DGKI: variants seen among roughly 807,000 people sequenced by gnomAD.
The protein encoded by DGKI is diacylglycerol kinase iota, also known as DAG kinase iota.
Under a neutral mutation model 147.5 loss-of-function variants are expected in DGKI, and 55 were observed. The ratio of observed to expected loss-of-function variants is 0.37; its 90% CI spans 0.30 to 0.47. DGKI has a LOEUF of 0.47. Ranked by LOEUF, DGKI falls within the 20% of genes least tolerant of loss-of-function variation. DGKI has a pLI of 1.00. For missense variants in DGKI, 1,007 were observed against 1,323.8 expected, an observed-to-expected ratio of 0.76 and a Z score of 3.71; for synonymous variants, 469 against 477.1, an observed-to-expected ratio of 0.98 and a Z score of 0.22.
At chr7:137,642,929 A>AGTGTGTGTGTGT (rs1207086851) in intron 6 of DGKI, among the ~76,000 whole-genome samples, 1,453 of 121,180 alleles carry the variant, frequency 0.012, 23 homozygotes, top group African/African-American at 0.014. Context: ...ATTATGGAAT[A>AGTGTGTGTGTGT]GTGTGTGTGT....
intron 29 of DGKI, among the ~76,000 whole-genome samples, chr7:137,411,208 G>T (rs1812149716): frequency 6.6e-6 from 1 of 152,200 alleles, no homozygotes; most frequent in Non-Finnish European, 1.5e-5. Flanking sequence ...TCAGGCAGCT[G>T]TCATTAATAC....
At chr7:137,818,149 G>A (rs1797792381) in intron 1 of DGKI, among the ~76,000 whole-genome samples, 1 of 152,206 alleles carries the variant, frequency 6.6e-6, no homozygotes, top group African/African-American at 2.4e-5. Flanking sequence ...AAAATTGAAG[G>A]AAATACACCC....
chr7:137,766,239 G>A (rs1216831852), intron 1 of DGKI, among the ~76,000 whole-genome samples: 9 of 152,202 alleles, frequency 5.9e-5, no homozygotes, highest in African/African-American at 2.2e-4. Flanking sequence ...CAGCCTAACA[G>A]GAAAATGAAG....
At chr7:137,792,967 A>C (rs554756858) in intron 1 of DGKI, among the ~76,000 whole-genome samples, 245 of 152,390 alleles carry the variant, frequency 1.6e-3, no homozygotes, top group African/African-American at 4.5e-3. Context: ...AATGTAAAAC[A>C]GATTAATACA....
intron 1 of DGKI, among the ~76,000 whole-genome samples, chr7:137,750,005 T>C (rs1298347813): frequency 6.6e-6 from 1 of 152,020 alleles, no homozygotes; most frequent in Non-Finnish European, 1.5e-5. Flanking sequence ...GCAGAACATA[T>C]TGTCACAGTA....
intron 20 of DGKI, among the ~76,000 whole-genome samples, chr7:137,543,909 T>C (rs834061): frequency 0.043 from 6,508 of 152,286 alleles, 343 homozygotes; most frequent in East Asian, 0.11. Context: ...CTGTATTCCA[T>C]ATAGTTTTAT....
intron 23 of DGKI, among the ~76,000 whole-genome samples, chr7:137,481,658 A>G (rs552504862): frequency 6.6e-6 from 1 of 152,190 alleles, no homozygotes; most frequent in South Asian, 2.1e-4. Context: ...CTTTGTTGGC[A>G]ATTCACTATG....
At chr7:137,794,192 A>C (rs931904486) in intron 1 of DGKI, among the ~76,000 whole-genome samples, 2 of 152,196 alleles carry the variant, frequency 1.3e-5, no homozygotes, top group Non-Finnish European at 2.9e-5. Context: ...ATGTTCTTTC[A>C]TCTGCATGAC....
intron 1 of DGKI, among the ~76,000 whole-genome samples, chr7:137,711,247 G>A (rs1052433403): frequency 1.3e-5 from 2 of 152,006 alleles, no homozygotes; most frequent in Non-Finnish European, 2.9e-5. Context: ...TATACTCCAG[G>A]ATATGCACCC....
intron 23 of DGKI, among the ~76,000 whole-genome samples, chr7:137,479,231 T>C (rs1030994428): frequency 6.6e-6 from 1 of 152,202 alleles, no homozygotes; most frequent in Admixed American, 6.5e-5. Flanking sequence ...AGATATACCA[T>C]GCTCCTTTCT....
chr7:137,791,524 C>T (rs1245076318), intron 1 of DGKI, among the ~76,000 whole-genome samples: 1 of 152,156 alleles, frequency 6.6e-6, no homozygotes, highest in African/African-American at 2.4e-5. Context: ...CAGGTTTCTA[C>T]AGACTTTTTC....
intron 1 of DGKI, among the ~76,000 whole-genome samples, chr7:137,818,940 T>C (rs1313071623): frequency 1.3e-5 from 2 of 152,174 alleles, no homozygotes; most frequent in South Asian, 2.1e-4. Context: ...TCCCCTCAAA[T>C]GACCTAAGCA....
chr7:137,644,897 C>A (rs1470665576), intron 6 of DGKI, among the ~76,000 whole-genome samples: 4 of 152,294 alleles, frequency 2.6e-5, no homozygotes, highest in South Asian at 2.1e-4. Context: ...AATCACAACA[C>A]CCCCACCCCT....
chr7:137,552,421 C>T lies in DGKI; in HGVS notation c.2095G>A (p.Ala699Thr). 3 of 1,614,002 alleles carry T rather than the reference C, an allele frequency of 1.9e-6. No individual in the cohort carries two copies. Among genetic ancestry groups the T allele is most frequent in the Non-Finnish European group, 2.5e-6 (3 of 1,180,032 alleles). Residue 699 changes from alanine to threonine, a missense_variant, in exon 20 of 33, where the codon GCC becomes ACC. Physicochemically the swap from Ala to Thr is moderately conservative, Grantham distance 58. This residue lies in a region of DGKI where 224 missense variants were observed against 382.7 expected (regional missense o/e 0.59). Coordinates refer to ENST00000614521, the MANE Select transcript of DGKI (RefSeq NM_001321708.2). Reference sequence around the variant, plus strand: ...CTCTTGCTCTTCTGTACCATGTTGGCCTGATTCCTCAGGGAGATCCGAATC... The same window carrying T: ...CTCTTGCTCTTCTGTACCATGTTGGTCTGATTCCTCAGGGAGATCCGAATC... Reference protein sequence around the residue: ...AMIRISLRNQANMVQKSKRRT... With the variant: ...AMIRISLRNQTNMVQKSKRRT...
At chr7:137,839,841 A>G (rs1798494977) in intron 1 of DGKI, among the ~76,000 whole-genome samples, 1 of 152,222 alleles carries the variant, frequency 6.6e-6, no homozygotes, top group Non-Finnish European at 1.5e-5. Flanking sequence ...TCTAAAGGCA[A>G]ATTTCCATTT....
At chr7:137,669,247 C>T (rs1024872391) in intron 3 of DGKI, among the ~76,000 whole-genome samples, 16 of 152,300 alleles carry the variant, frequency 1.1e-4, no homozygotes, top group African/African-American at 3.6e-4. Flanking sequence ...ATGTATCCAC[C>T]TCATCAATGT....
At chr7:137,499,383 T>C (rs887079534) in intron 21 of DGKI, among the ~76,000 whole-genome samples, 2 of 152,134 alleles carry the variant, frequency 1.3e-5, no homozygotes, top group African/African-American at 4.8e-5. Context: ...GACACTCAGA[T>C]AGCTGGTAAA....
At chr7:137,564,427 AAAAAGG>A (rs1254997854) in intron 19 of DGKI, among the ~76,000 whole-genome samples, 2 of 152,168 alleles carry the variant, frequency 1.3e-5, no homozygotes, top group Non-Finnish European at 2.9e-5. Flanking sequence ...CTAAAAACAC[AAAAAGG>A]AAAAGTATAA....
rs1794508432 is a variant in DGKI at position 137,720,306 on chromosome 7, G to A, written c.402-30304C>T. 2.3e-5 allele frequency among the ~76,000 whole-genome samples: 3 copies of A among 130,018 alleles called. No homozygotes were observed. In the Admixed American group the frequency reaches 2.9e-4, roughly 13 times the overall value. The allele number at this position is 130,018 out of a possible 152,430, so 85.3% of individuals were successfully genotyped here. On this transcript the variant is annotated intron_variant, in intron 1 of 32. Transcript: ENST00000614521. Reference sequence around the variant, plus strand: ...AGAGTCTCGCTCTTTCGCCCAGGCTGGACTGCAGTGGTGCGATCTCGGCTC... The same window carrying A: ...AGAGTCTCGCTCTTTCGCCCAGGCTAGACTGCAGTGGTGCGATCTCGGCTC...
Sources: gnomAD v4.1 joint callset for allele counts (sites outside exome capture counted in the v4.1 genomes callset) on GRCh38, gnomAD v4.1.1 for gene constraint, gnomAD v4.1.1 regional missense constraint, MANE v1.5 for transcripts, NCBI Gene and HGNC (gene_info 2026-07-23, HGNC 2026-07-21) for gene names.